FRMD4A: variants seen among roughly 807,000 people sequenced by gnomAD.
FRMD4A encodes the protein FERM domain-containing protein 4A.
Under a neutral mutation model 129.1 loss-of-function variants are expected in FRMD4A, and 29 were observed. That is an observed-to-expected ratio of 0.22 (90% CI 0.17 to 0.31). The LOEUF (loss-of-function observed/expected upper bound fraction) is 0.31. Among genes scored for constraint, FRMD4A ranks in the 10% least tolerant of loss-of-function variants. The probability of loss-of-function intolerance (pLI) is 1.00; values close to 1 mark genes in which losing one functional copy is unlikely to be tolerated. For missense variants in FRMD4A, 1,272 were observed against 1,375.8 expected (o/e 0.92, Z 1.19); for synonymous variants, 634 against 571.6 (o/e 1.11, Z -1.56).
At chr10:13,673,447 C>T (rs958263821) in intron 16 of FRMD4A, among the ~76,000 whole-genome samples, 1 of 152,180 alleles carries the variant, frequency 6.6e-6, no homozygotes, top group Non-Finnish European at 1.5e-5. Flanking sequence ...CTTTGGGAAC[C>T]TCTTTTGACT....
At chr10:13,809,279 T>C (rs2093407096) in intron 4 of FRMD4A, among the ~76,000 whole-genome samples, 1 of 152,204 alleles carries the variant, frequency 6.6e-6, no homozygotes, top group Non-Finnish European at 1.5e-5. Flanking sequence ...AATTCTTGTT[T>C]ATTCAAAAGG....
intron 2 of FRMD4A, among the ~76,000 whole-genome samples, chr10:14,058,297 T>C (rs553245729): frequency 6.6e-6 from 1 of 152,212 alleles, no homozygotes; most frequent in Non-Finnish European, 1.5e-5. Flanking sequence ...CTATTGCTTT[T>C]TTTCAAAGAT....
At chr10:14,070,835 G>A (rs1835284279) in intron 2 of FRMD4A, among the ~76,000 whole-genome samples, 1 of 152,132 alleles carries the variant, frequency 6.6e-6, no homozygotes, top group Admixed American at 6.5e-5. Flanking sequence ...CATCAGGACT[G>A]GGGAGAAAGG....
At chr10:13,910,576 C>T (rs2094930252) in intron 2 of FRMD4A, among the ~76,000 whole-genome samples, 1 of 152,230 alleles carries the variant, frequency 6.6e-6, no homozygotes, top group African/African-American at 2.4e-5. Flanking sequence ...CTTGGTTCTT[C>T]ACCCTGCAGA....
intron 2 of FRMD4A, among the ~76,000 whole-genome samples, chr10:13,942,713 T>C (rs2095302106): frequency 6.6e-6 from 1 of 152,094 alleles, no homozygotes; most frequent in African/African-American, 2.4e-5. Flanking sequence ...GGCTGGCAGA[T>C]CACGAGGTCA....
In FRMD4A at chr10:13,644,009, C is replaced by T. The variant is rs1238932502; in HGVS notation, c.*3029G>A. The T allele has an allele frequency of 6.6e-6, 1 of 152,594 alleles. No individual in the cohort carries two copies. The highest frequency in any genetic ancestry group is 6.5e-5 in the Admixed American group (1 of 15,280). 9.5% of individuals were successfully genotyped at this position (152,594 alleles called of 1,614,324 possible). ...TATTGACATTAATGTATATGTAAAACTTTACACCTAGTTAACTAAGCAGTA... is the reference window on the plus strand; with the variant it reads ...TATTGACATTAATGTATATGTAAAATTTTACACCTAGTTAACTAAGCAGTA... On this transcript the variant is annotated 3_prime_UTR_variant, in exon 25 of 25. Coordinates refer to ENST00000357447, the MANE Select transcript of FRMD4A (RefSeq NM_018027.5).
chr10:14,326,567 C>G (rs181669957), intron 2 of FRMD4A: 15 of 326,352 alleles, frequency 4.6e-5, no homozygotes, highest in African/African-American at 3.0e-4. Context: ...TATTTATTAT[C>G]CAGTTAATTT....
intron 2 of FRMD4A, among the ~76,000 whole-genome samples, chr10:14,214,949 G>C (rs1469488318): frequency 1.3e-5 from 2 of 152,140 alleles, no homozygotes; most frequent in Non-Finnish European, 2.9e-5. Flanking sequence ...ACAGGCTTGG[G>C]CCAAAAAGAA....
chr10:13,732,667 C>G lies in FRMD4A; in HGVS notation c.759+5177G>C, dbSNP rs181373269. 3.4e-3 allele frequency among the ~76,000 whole-genome samples: 518 copies of G among 152,362 alleles called. 2 individuals carry two copies. Among genetic ancestry groups the G allele is most frequent in the Non-Finnish European group, 6.1e-3 (413 of 68,038 alleles). On this transcript the variant is annotated intron_variant, in intron 12 of 24. Transcript: ENST00000357447. ...TCCAGGTGCACAGTGCTGGGTGTCA[C>G]TCCCTTGCCTGAGCATCCCTGGAGG...
At chr10:14,031,873 AT>A (rs59983120) in intron 2 of FRMD4A, among the ~76,000 whole-genome samples, 21,682 of 148,458 alleles carry the variant, frequency 0.15, 2,014 homozygotes, top group African/African-American at 0.27. Flanking sequence ...TCTGACTTAG[AT>A]TTTTTTTTTT....
intron 24 of FRMD4A, chr10:13,647,894 G>A (rs2081245965): frequency 6.6e-6 from 1 of 152,130 alleles, no homozygotes; most frequent in Non-Finnish European, 1.5e-5. Flanking sequence ...TCCTGAATGA[G>A]CCCTTTGAAT....
chr10:13,980,019 G>A (rs1364188147), intron 2 of FRMD4A, among the ~76,000 whole-genome samples: 1 of 152,212 alleles, frequency 6.6e-6, no homozygotes, highest in East Asian at 1.9e-4. Context: ...CATTCACAAT[G>A]CTGGGGACCT....
intron 2 of FRMD4A, among the ~76,000 whole-genome samples, chr10:13,964,367 C>T (rs1029022335): frequency 2.6e-5 from 4 of 151,754 alleles, no homozygotes; most frequent in African/African-American, 9.7e-5. Context: ...AACTTTGGGG[C>T]CAGAAGCAAT....
At chr10:13,855,751 T>C (rs1175819838) in intron 3 of FRMD4A, among the ~76,000 whole-genome samples, 2 of 152,164 alleles carry the variant, frequency 1.3e-5, no homozygotes, top group Non-Finnish European at 2.9e-5. Flanking sequence ...TCAAATGTTT[T>C]ATTAAAAACC....
intron 2 of FRMD4A, among the ~76,000 whole-genome samples, chr10:13,884,733 ACT>A (rs1320677386): frequency 1.1e-4 from 16 of 151,832 alleles, no homozygotes; most frequent in Admixed American, 1.0e-3. Flanking sequence ...CAGCTAGAAG[ACT>A]CTATTACATC....
intron 9 of FRMD4A, among the ~76,000 whole-genome samples, chr10:13,743,135 T>C (rs1588517404): frequency 6.6e-6 from 1 of 152,340 alleles, no homozygotes; most frequent in East Asian, 1.9e-4. Context: ...CTGTGGGGTC[T>C]GGATATCCTC....
chr10:13,803,441 C>T (rs979136497), intron 4 of FRMD4A, among the ~76,000 whole-genome samples: 25 of 152,172 alleles, frequency 1.6e-4, no homozygotes, highest in African/African-American at 5.5e-4. Context: ...AAGTGATCTT[C>T]CCATCTCAGA....
intron 2 of FRMD4A, among the ~76,000 whole-genome samples, chr10:14,319,326 G>C (rs562684417): frequency 1.0e-5 from 1 of 100,340 alleles, no homozygotes; most frequent in South Asian, 3.0e-4. Context: ...TTTTACAGCA[G>C]TAGTAACTGA....
intron 2 of FRMD4A, among the ~76,000 whole-genome samples, chr10:14,199,278 CTTATTTTA>C (rs1842560316): frequency 7.2e-6 from 1 of 139,512 alleles, no homozygotes. Flanking sequence ...TTTTAAGTGT[CTTATTTTA>C]TTTATTTATT....
Sources: gnomAD v4.1 joint callset for allele counts (sites outside exome capture counted in the v4.1 genomes callset) on GRCh38, gnomAD v4.1.1 for gene constraint, MANE v1.5 for transcripts, NCBI Gene and HGNC (gene_info 2026-07-23, HGNC 2026-07-21) for gene names.